ASIC2: variants seen among roughly 807,000 people sequenced by gnomAD.
ASIC2 encodes acid sensing ion channel subunit 2.
ASIC2 carries 25 observed loss-of-function variants against 57.3 expected under a neutral mutation model. The observed-to-expected ratio is 0.44, with a 90% CI of 0.32 to 0.61. ASIC2 has a LOEUF of 0.61. ASIC2 is among the 20% of genes least tolerant of loss of function. The pLI is 0.06. For synonymous variants in ASIC2, 319 were observed against 307.5 expected, an observed-to-expected ratio of 1.04 and a Z score of -0.39; for missense variants, 641 against 738.1, an observed-to-expected ratio of 0.87 and a Z score of 1.52.
intron 1 of ASIC2, among the ~76,000 whole-genome samples, chr17:33,661,846 G>T (rs1907276925): frequency 6.6e-6 from 1 of 152,130 alleles, no homozygotes; most frequent in Non-Finnish European, 1.5e-5. Context: ...GCAGAAAACT[G>T]ACTGGCGGCA....
chr17:33,886,893 A>G (rs766274869), intron 1 of ASIC2, among the ~76,000 whole-genome samples: 2 of 152,186 alleles, frequency 1.3e-5, no homozygotes, highest in Non-Finnish European at 2.9e-5. Flanking sequence ...ATTTGAAGGC[A>G]TATTCCAAAT....
intron 1 of ASIC2, among the ~76,000 whole-genome samples, chr17:34,120,722 C>CTTTTT (rs142959293): frequency 2.4e-4 from 23 of 94,616 alleles, no homozygotes; most frequent in African/African-American, 2.9e-4. Flanking sequence ...TGGGGTCCTT[C>CTTTTT]TTTTTTTTTT....
chr17:34,014,439 C>T (rs1330024810), intron 1 of ASIC2, among the ~76,000 whole-genome samples: 2 of 152,164 alleles, frequency 1.3e-5, no homozygotes, highest in Non-Finnish European at 2.9e-5. Flanking sequence ...GAGCTCGAGA[C>T]ATTGGCTATG....
chr17:33,194,545 T>A (rs1446957338), intron 1 of ASIC2, among the ~76,000 whole-genome samples: 1 of 152,230 alleles, frequency 6.6e-6, no homozygotes, highest in African/African-American at 2.4e-5. Context: ...AATTACTTCT[T>A]CTTTTTAAAG....
At chr17:33,727,056 A>G (rs1909583160) in intron 1 of ASIC2, among the ~76,000 whole-genome samples, 3 of 152,206 alleles carry the variant, frequency 2.0e-5, no homozygotes, top group Admixed American at 6.5e-5. Context: ...GTCATTACAC[A>G]TTCTTTCAAA....
chr17:33,140,223 G>C (rs2092382170), intron 1 of ASIC2, among the ~76,000 whole-genome samples: 1 of 152,210 alleles, frequency 6.6e-6, no homozygotes, highest in Non-Finnish European at 1.5e-5. Flanking sequence ...CCCAGATTGT[G>C]TTCCCACCTC....
At chr17:33,957,995 G>A (rs1904793560) in intron 1 of ASIC2, among the ~76,000 whole-genome samples, 1 of 152,216 alleles carries the variant, frequency 6.6e-6, no homozygotes, top group African/African-American at 2.4e-5. Context: ...CTAAACAAAA[G>A]GGGCTACAGG....
intron 1 of ASIC2, among the ~76,000 whole-genome samples, chr17:33,311,685 G>A (rs1189138048): frequency 1.3e-5 from 2 of 152,212 alleles, no homozygotes; most frequent in African/African-American, 4.8e-5. Context: ...GCAGGTAGGA[G>A]TGGGGTGGCA....
chr17:33,790,488 G>A (rs1317414912), intron 1 of ASIC2, among the ~76,000 whole-genome samples: 1 of 152,082 alleles, frequency 6.6e-6, no homozygotes, highest in East Asian at 1.9e-4. Context: ...TGCAGTATTG[G>A]TTAGCTATTT....
intron 1 of ASIC2, among the ~76,000 whole-genome samples, chr17:33,361,702 G>C (rs1158021005): frequency 6.6e-6 from 1 of 152,188 alleles, no homozygotes; most frequent in Admixed American, 6.5e-5. Context: ...TCATACTGAT[G>C]ATGGGTAGCA....
chr17:33,659,611 C>T (rs533979950), intron 1 of ASIC2, among the ~76,000 whole-genome samples: 1 of 152,254 alleles, frequency 6.6e-6, no homozygotes, highest in South Asian at 2.1e-4. Flanking sequence ...TGGCTCACGC[C>T]TGTAATCCCA....
At chr17:33,404,428 C>A (rs753694836) in intron 1 of ASIC2, among the ~76,000 whole-genome samples, 19 of 152,208 alleles carry the variant, frequency 1.2e-4, no homozygotes, top group Non-Finnish European at 1.8e-4. Flanking sequence ...TCAGACAACA[C>A]TTTCAGGACA....
intron 1 of ASIC2, among the ~76,000 whole-genome samples, chr17:33,219,000 A>G (rs1244895037): frequency 6.6e-6 from 1 of 152,126 alleles, no homozygotes; most frequent in Non-Finnish European, 1.5e-5. Context: ...GATCTCTAAC[A>G]TTTTGCAGTG....
At chr17:33,753,471 T>C (rs1169308485) in intron 1 of ASIC2, among the ~76,000 whole-genome samples, 1 of 152,118 alleles carries the variant, frequency 6.6e-6, no homozygotes, top group Admixed American at 6.5e-5. Context: ...TGGACTTTAG[T>C]TAGTAATGTG....
chr17:33,989,867 T>C (rs1203352092), intron 1 of ASIC2, among the ~76,000 whole-genome samples: 2 of 151,658 alleles, frequency 1.3e-5, no homozygotes, highest in Non-Finnish European at 2.9e-5. Flanking sequence ...GACCAATGAG[T>C]TTTTGCAGGA....
At chr17:33,241,983 G>A (rs940400566) in intron 1 of ASIC2, among the ~76,000 whole-genome samples, 1 of 152,180 alleles carries the variant, frequency 6.6e-6, no homozygotes, top group African/African-American at 2.4e-5. Flanking sequence ...CTGGAGTACA[G>A]TAATAAGTAT....
At chr17:33,357,714 C>G (rs566443081) in intron 1 of ASIC2, among the ~76,000 whole-genome samples, 46 of 152,262 alleles carry the variant, frequency 3.0e-4, no homozygotes, top group African/African-American at 1.0e-3. Flanking sequence ...GTTGTGAGAA[C>G]CTGGAGCCCT....
chr17:33,520,730 T>G (rs1386218307), intron 1 of ASIC2, among the ~76,000 whole-genome samples: 1 of 152,370 alleles, frequency 6.6e-6, no homozygotes, highest in East Asian at 1.9e-4. Context: ...AAACTTTATT[T>G]GCTTCACAGC....
chr17:33,473,159 G>A (rs1444789073), intron 1 of ASIC2, among the ~76,000 whole-genome samples: 1 of 152,244 alleles, frequency 6.6e-6, no homozygotes, highest in African/African-American at 2.4e-5. Flanking sequence ...GAGCAGGAAG[G>A]ATCTGATTCT....
Sources: gnomAD v4.1 joint callset for allele counts (sites outside exome capture counted in the v4.1 genomes callset) on GRCh38, gnomAD v4.1.1 for gene constraint, MANE v1.5 for transcripts, NCBI Gene and HGNC (gene_info 2026-07-23, HGNC 2026-07-21) for gene names.